The following TENM4 variants were observed in gnomAD, a reference collection of about 807,000 sequenced individuals.
The protein encoded by TENM4 is teneurin transmembrane protein 4, also known as teneurin-4.
A neutral mutation model predicts 243.3 loss-of-function variants in TENM4; 82 were observed. That is an observed-to-expected ratio of 0.34 (90% CI 0.28 to 0.40). The LOEUF is 0.40. TENM4 is among the 10% of genes least tolerant of loss of function. The pLI is 1.00. For synonymous variants in TENM4, 1,412 were observed against 1,456.3 expected (o/e 0.97, Z 0.69); for missense variants, 3,138 against 3,673.3 (o/e 0.85, Z 3.77).
At chr11:78,671,293 C>CTT (rs943724404) in intron 31 of TENM4, among the ~76,000 whole-genome samples, 2 of 151,788 alleles carry the variant, frequency 1.3e-5, no homozygotes, top group Admixed American at 6.6e-5. Flanking sequence ...AGGTCTCTCT[C>CTT]TCTCTTAGTA....
intron 4 of TENM4, among the ~76,000 whole-genome samples, chr11:79,078,748 A>G (rs966050039): frequency 5.9e-5 from 9 of 152,182 alleles, no homozygotes; most frequent in African/African-American, 1.9e-4. Context: ...CAAGGTCTTT[A>G]TATGCATTAC....
intron 1 of TENM4, among the ~76,000 whole-genome samples, chr11:79,377,629 T>A (rs2135519436): frequency 6.6e-6 from 1 of 152,342 alleles, no homozygotes; most frequent in Non-Finnish European, 1.5e-5. Flanking sequence ...ACTTCTGTTC[T>A]CCCTTTTTTG....
chr11:79,277,442 A>C (rs1433663204), intron 2 of TENM4, among the ~76,000 whole-genome samples: 1 of 152,224 alleles, frequency 6.6e-6, no homozygotes, highest in Non-Finnish European at 1.5e-5. Flanking sequence ...TGAGGCTCAA[A>C]GAAGTGAAAG....
intron 3 of TENM4, among the ~76,000 whole-genome samples, chr11:79,183,529 C>T (rs190022651): frequency 6.6e-6 from 1 of 152,176 alleles, no homozygotes; most frequent in African/African-American, 2.4e-5. Context: ...AGAGTGAACA[C>T]CAATGTGAGC....
At chr11:79,340,900 T>C (rs1305065915) in intron 1 of TENM4, among the ~76,000 whole-genome samples, 1 of 152,092 alleles carries the variant, frequency 6.6e-6, no homozygotes, top group Non-Finnish European at 1.5e-5. Context: ...TTACCTTACA[T>C]GGTAAAAGGG....
rs1288223263 is a variant in TENM4 at position 78,656,755 on chromosome 11, T to C, written c.*1303A>G. On this transcript the variant is annotated 3_prime_UTR_variant, in exon 34 of 34. Coordinates refer to ENST00000278550, the MANE Select transcript of TENM4 (RefSeq NM_001098816.3). ...TTTCTTCCTGTCACTAAAAAACACA[T>C]TGGGTGGGCTTCTCTAGAGGGGAAG... The C allele has an allele frequency of 2.5e-5, 8 of 323,222 alleles. No individual in the cohort carries two copies. The highest frequency in any genetic ancestry group is 4.9e-5 in the Admixed American group (1 of 20,260). 20.0% of individuals were successfully genotyped at this position (323,222 alleles called of 1,614,324 possible).
At chr11:78,834,732 A>T (rs1228944842) in intron 12 of TENM4, among the ~76,000 whole-genome samples, 2 of 152,148 alleles carry the variant, frequency 1.3e-5, no homozygotes, top group African/African-American at 4.8e-5. Flanking sequence ...CTCCTTGTTG[A>T]TATCTCTACG....
chr11:78,985,904 C>A (rs532921751), intron 6 of TENM4, among the ~76,000 whole-genome samples: 36 of 152,194 alleles, frequency 2.4e-4, no homozygotes, highest in Non-Finnish European at 4.6e-4. Flanking sequence ...AGCTCAGAGA[C>A]AGAATAGAGG....
At chr11:78,706,841 C>T (rs894966170) in intron 27 of TENM4, among the ~76,000 whole-genome samples, 10 of 146,810 alleles carry the variant, frequency 6.8e-5, no homozygotes, top group South Asian at 4.2e-4. Flanking sequence ...GGCTTCCTGA[C>T]GGGTAATTCA....
intron 1 of TENM4, among the ~76,000 whole-genome samples, chr11:79,413,282 G>T (rs1395674577): frequency 1.3e-5 from 2 of 152,136 alleles, no homozygotes; most frequent in African/African-American, 4.8e-5. Context: ...GTGTCTACAG[G>T]CTCACACTCC....
rs1859302661 is a variant in TENM4, at chr11:79,437,629, T to C, written c.-321+2880A>G. Among the ~76,000 whole-genome samples, 4 of 152,138 alleles carry C rather than the reference T, an allele frequency of 2.6e-5. No individual in the cohort carries two copies. In the South Asian group the frequency reaches 8.3e-4, roughly 31 times the overall value. Reference sequence around the variant, plus strand: ...GCGCGAGGGAGTCGCGGCCGACTCCTGTACCACGAAGACAACTGGAGGCCG... The same window carrying C: ...GCGCGAGGGAGTCGCGGCCGACTCCCGTACCACGAAGACAACTGGAGGCCG... On this transcript the variant is annotated intron_variant, in intron 1 of 33. Coordinates refer to ENST00000278550, the MANE Select transcript of TENM4 (RefSeq NM_001098816.3).
chr11:79,064,572 C>A (rs1382235661), intron 6 of TENM4, 166 bp downstream of exon 6: 1 of 872,478 alleles, frequency 1.1e-6, no homozygotes, highest in African/African-American at 1.7e-5. Context: ...CATGGGTGGG[C>A]ATTTCACGTG....
chr11:79,432,334 T>C (rs1190016039), intron 1 of TENM4, among the ~76,000 whole-genome samples: 2 of 152,206 alleles, frequency 1.3e-5, no homozygotes, highest in Non-Finnish European at 2.9e-5. Context: ...GTCAGCTAAT[T>C]AATGTTTGCA....
intron 1 of TENM4, among the ~76,000 whole-genome samples, chr11:79,332,550 C>T (rs1437273301): frequency 1.3e-5 from 2 of 152,076 alleles, no homozygotes; most frequent in Non-Finnish European, 2.9e-5. Flanking sequence ...CTAATTGTGG[C>T]CATGGGGTAG....
chr11:79,113,920 C>A (rs1042801829), intron 4 of TENM4, among the ~76,000 whole-genome samples: 3 of 152,106 alleles, frequency 2.0e-5, no homozygotes, highest in African/African-American at 7.2e-5. Context: ...AAAGACATGA[C>A]CAGACCTTGA....
At chr11:78,914,396 T>C (rs968896489) in intron 6 of TENM4, among the ~76,000 whole-genome samples, 1 of 152,164 alleles carries the variant, frequency 6.6e-6, no homozygotes, top group African/African-American at 2.4e-5. Flanking sequence ...GGAAGATGAA[T>C]GACAACCAAG....
chr11:79,046,272 A>AGT (rs1267872745), intron 6 of TENM4, among the ~76,000 whole-genome samples: 2 of 152,210 alleles, frequency 1.3e-5, no homozygotes, highest in Non-Finnish European at 2.9e-5. Flanking sequence ...CAGCATGGAG[A>AGT]GTGGCAACTG....
At chr11:79,121,022 G>A (rs571865042) in intron 4 of TENM4, among the ~76,000 whole-genome samples, 4 of 152,290 alleles carry the variant, frequency 2.6e-5, no homozygotes, top group African/African-American at 7.2e-5. Context: ...GCTCCAGAGC[G>A]ATTGCTTTTA....
intron 2 of TENM4, among the ~76,000 whole-genome samples, chr11:79,279,773 C>T (rs1337093050): frequency 6.6e-6 from 1 of 152,190 alleles, no homozygotes; most frequent in Non-Finnish European, 1.5e-5. Flanking sequence ...CTTTTTCACC[C>T]TTTCAGATGC....
Sources: gnomAD v4.1 joint callset for allele counts (sites outside exome capture counted in the v4.1 genomes callset) on GRCh38, gnomAD v4.1.1 for gene constraint, MANE v1.5 for transcripts, NCBI Gene and HGNC (gene_info 2026-07-23, HGNC 2026-07-21) for gene names.